Variants in UBE2U observed in about 807,000 individuals in gnomAD.
UBE2U encodes the protein ubiquitin-conjugating enzyme E2 U.
UBE2U carries 39 observed loss-of-function variants against 41.2 expected under a neutral mutation model. The ratio of observed to expected loss-of-function variants is 0.95; its 90% confidence interval spans 0.73 to 1.24. The LOEUF is 1.24. Among genes scored for constraint, UBE2U ranks in the 50% most tolerant of loss-of-function variants. The pLI is 0.00. For synonymous variants in UBE2U, 107 were observed against 117.8 expected, an observed-to-expected ratio of 0.91 and a Z score of 0.60; for missense variants, 336 against 363.1, an observed-to-expected ratio of 0.93 and a Z score of 0.61.
At chr1:64,240,083 T>C (rs1408169461) in intron 7 of UBE2U, among the ~76,000 whole-genome samples, 3 of 152,188 alleles carry the variant, frequency 2.0e-5, no homozygotes, top group Non-Finnish European at 4.4e-5. Flanking sequence ...TGATTGAAGG[T>C]ATAGGCTTGT....
intron 7 of UBE2U, among the ~76,000 whole-genome samples, chr1:64,239,152 AGAAGAAAGAAGAAGAAGAAG>A (rs1644765491): frequency 4.0e-5 from 1 of 25,162 alleles, no homozygotes; most frequent in African/African-American, 2.3e-4. Context: ...AAGAAGAAGA[AGAAGAAAGAAGAAGAAGAAG>A]AAGAAGAAGA....
intron 4 of UBE2U, among the ~76,000 whole-genome samples, chr1:64,211,997 G>A (rs1192415906): frequency 6.6e-6 from 1 of 152,012 alleles, no homozygotes; most frequent in African/African-American, 2.4e-5. Flanking sequence ...TCTATTTCTT[G>A]TATTTGAAAA....
chr1:64,228,275 A>T (rs1295571727), intron 6 of UBE2U, among the ~76,000 whole-genome samples: 1 of 152,232 alleles, frequency 6.6e-6, no homozygotes, highest in Non-Finnish European at 1.5e-5. Flanking sequence ...GCTCTAATTT[A>T]GAGCCAGAGG....
At chr1:64,252,353 C>T (rs1285815887) in intron 8 of UBE2U, among the ~76,000 whole-genome samples, 15 of 152,156 alleles carry the variant, frequency 9.9e-5, no homozygotes, top group African/African-American at 3.1e-4. Context: ...GTGGTCTGGA[C>T]GAGGAAGGGT....
chr1:64,237,299 T>A (rs1570068318), intron 7 of UBE2U, among the ~76,000 whole-genome samples: 2 of 103,182 alleles, frequency 1.9e-5, no homozygotes, highest in African/African-American at 3.5e-5. Context: ...AAGAGATGTA[T>A]CATAGAAAAA....
At chr1:64,263,027 G>A (rs1016166374) in intron 9 of UBE2U, among the ~76,000 whole-genome samples, 1 of 144,272 alleles carries the variant, frequency 6.9e-6, no homozygotes, top group African/African-American at 2.5e-5. Context: ...CTTGTGATTT[G>A]GGGGAAAAAA....
At chr1:64,237,677 TG>T (rs1398508526) in intron 7 of UBE2U, among the ~76,000 whole-genome samples, 2 of 151,744 alleles carry the variant, frequency 1.3e-5, no homozygotes, top group African/African-American at 4.8e-5. Flanking sequence ...GACAGATGAG[TG>T]AAAAAAAACC....
chr1:64,214,865 C>T lies in UBE2U; in HGVS notation c.390C>T (p.Ala130=), dbSNP rs1161609154. The T allele has an allele frequency of 6.2e-7, 1 of 1,614,142 alleles. No individual in the cohort carries two copies. The highest frequency in any genetic ancestry group is 2.2e-5 in the East Asian group (1 of 44,884). ...VLENPVNLEA[A]RILVKDESLY... is the part of the protein sequence containing the mutation. ...AGAATCCAGTGAATTTGGAAGCAGC[C>T]AGAATACTGGTTAAAGATGAATCTC... is the stretch of plus-strand genomic sequence containing the variant. The change falls in exon 5 of 10, where the codon GCC becomes GCT. Residue 130 remains alanine, a synonymous_variant. Transcript: ENST00000371077.
intron 7 of UBE2U, among the ~76,000 whole-genome samples, chr1:64,237,772 A>G (rs705537): frequency 0.013 from 1,937 of 152,340 alleles, 29 homozygotes; most frequent in African/African-American, 0.044. Context: ...AAAGCAATGA[A>G]GAAAATGAGT....
At chr1:64,262,547 G>T (rs1414895104) in intron 9 of UBE2U, among the ~76,000 whole-genome samples, 1 of 152,086 alleles carries the variant, frequency 6.6e-6, no homozygotes, top group Admixed American at 6.5e-5. Context: ...CTTCTGGCTG[G>T]GTATATGTGG....
chr1:64,239,153 GAAGAAAGAA>G (rs1644765816), intron 7 of UBE2U, among the ~76,000 whole-genome samples: 1 of 28,004 alleles, frequency 3.6e-5, no homozygotes. Context: ...AGAAGAAGAA[GAAGAAAGAA>G]GAAGAAGAAG....
At chr1:64,260,799 G>C in intron 9 of UBE2U, 105 bp downstream of exon 9, 1 of 817,470 alleles carries the variant, frequency 1.2e-6, no homozygotes, top group South Asian at 2.0e-5. Context: ...AATATATGAG[G>C]GCTAATCCTT....
chr1:64,223,200 C>T (rs990164520), intron 6 of UBE2U, among the ~76,000 whole-genome samples: 4 of 152,152 alleles, frequency 2.6e-5, no homozygotes, highest in African/African-American at 4.8e-5. Flanking sequence ...CCTAACCTCA[C>T]GAGATTTATA....
chr1:64,245,491 C>CTGG (rs1330664360), intron 8 of UBE2U, among the ~76,000 whole-genome samples: 2 of 152,118 alleles, frequency 1.3e-5, no homozygotes, highest in East Asian at 3.9e-4. Context: ...CTTATCAGTC[C>CTGG]TGGTGGTGGT....
chr1:64,263,497 AAAG>A (rs1182736170), intron 9 of UBE2U, among the ~76,000 whole-genome samples: 1 of 152,204 alleles, frequency 6.6e-6, no homozygotes, highest in African/African-American at 2.4e-5. Context: ...TTCCCCAGCC[AAAG>A]AAGCCAACCA....
intron 5 of UBE2U, among the ~76,000 whole-genome samples, chr1:64,217,877 T>C (rs544366462): frequency 6.6e-6 from 1 of 152,328 alleles, no homozygotes; most frequent in African/African-American, 2.4e-5. Context: ...CATCATATTC[T>C]GCTTGTGATT....
intron 7 of UBE2U, among the ~76,000 whole-genome samples, chr1:64,239,141 GAAGAAGAAGAAGAAGAAA>G (rs1644760804): frequency 3.6e-5 from 1 of 28,142 alleles, no homozygotes; most frequent in Non-Finnish European, 6.2e-5. Context: ...AGAAGAAGAA[GAAGAAGAAGAAGAAGAAA>G]GAAGAAGAAG....
intron 9 of UBE2U, among the ~76,000 whole-genome samples, chr1:64,260,963 A>T (rs2100548955): frequency 6.6e-6 from 1 of 152,334 alleles, no homozygotes; most frequent in Non-Finnish European, 1.5e-5. Flanking sequence ...TTGAAATTTT[A>T]AGGCTAAGTT....
At chr1:64,210,135 A>AT (rs1467253706) in intron 3 of UBE2U, among the ~76,000 whole-genome samples, 1 of 152,160 alleles carries the variant, frequency 6.6e-6, no homozygotes, top group East Asian at 1.9e-4. Context: ...GTTGTCTTTC[A>AT]TCTTAGATGA....
Sources: gnomAD v4.1 joint callset for allele counts (sites outside exome capture counted in the v4.1 genomes callset) on GRCh38, gnomAD v4.1.1 for gene constraint, MANE v1.5 for transcripts, NCBI Gene and HGNC (gene_info 2026-07-23, HGNC 2026-07-21) for gene names.